ZNF804A: variants seen among roughly 807,000 people sequenced by gnomAD.
ZNF804A encodes zinc finger protein 804A.
ZNF804A carries 2 observed loss-of-function variants against 16.5 expected under a neutral mutation model. The ratio of observed to expected loss-of-function variants is 0.12; its 90% CI spans 0.05 to 0.38. The LOEUF is 0.38. Among genes scored for constraint, ZNF804A ranks in the 10% least tolerant of loss-of-function variants. The probability of loss-of-function intolerance (pLI) is 0.99; values close to 1 mark genes in which losing one functional copy is unlikely to be tolerated. For synonymous variants in ZNF804A, 534 were observed against 489.6 expected (o/e 1.09, Z -1.20); for missense variants, 1,473 against 1,390.7 (o/e 1.06, Z -0.94).
intron 1 of ZNF804A, among the ~76,000 whole-genome samples, chr2:184,606,283 C>A (rs779432231): frequency 7.9e-5 from 12 of 152,288 alleles, no homozygotes; most frequent in Non-Finnish European, 1.5e-4. Context: ...AACTTACAAT[C>A]ATGGTGGATG....
chr2:184,881,848 A>G (rs989746098), intron 2 of ZNF804A, among the ~76,000 whole-genome samples: 3 of 152,136 alleles, frequency 2.0e-5, no homozygotes, highest in Non-Finnish European at 4.4e-5. Context: ...ACACTTAAGT[A>G]CATAGAACAG....
chr2:184,886,475 G>A (rs1000296727), intron 2 of ZNF804A, among the ~76,000 whole-genome samples: 5 of 152,168 alleles, frequency 3.3e-5, no homozygotes, highest in Admixed American at 6.5e-5. Context: ...TCCACTAGGC[G>A]GTGCCCCAGT....
chr2:184,783,166 G>C (rs1192699095), intron 1 of ZNF804A, among the ~76,000 whole-genome samples: 2 of 36,348 alleles, frequency 5.5e-5, no homozygotes, highest in Non-Finnish European at 1.4e-4. Context: ...TTTTTTTTAG[G>C]TAATACATTT....
chr2:184,792,770 CT>C lies in ZNF804A; in HGVS notation c.112-73590del, dbSNP rs543811861. ...CTTATGTTATCTTCTAGGAGTTTTT[CT>C]TTTTTTTTCCAACTTTTATTTTAGA... On this transcript the variant is annotated intron_variant, in intron 1 of 3. Coordinates refer to ENST00000302277, the MANE Select transcript of ZNF804A (RefSeq NM_194250.2). Among the ~76,000 whole-genome samples, 579 of 151,052 alleles carry C rather than the reference CT, an allele frequency of 3.8e-3. 1 individual carries two copies. Among genetic ancestry groups the C allele is most frequent in the Non-Finnish European group, 6.6e-3 (445 of 67,644 alleles).
chr2:184,616,834 T>A (rs1173873175), intron 1 of ZNF804A, among the ~76,000 whole-genome samples: 1 of 152,144 alleles, frequency 6.6e-6, no homozygotes, highest in East Asian at 1.9e-4. Context: ...TCTTAATATC[T>A]GTGGGATGGT....
intron 1 of ZNF804A, among the ~76,000 whole-genome samples, chr2:184,674,659 A>T (rs368472837): frequency 8.6e-5 from 13 of 151,964 alleles, no homozygotes; most frequent in South Asian, 8.3e-4. Flanking sequence ...TGGGATGGGC[A>T]TCACTGGAGG....
chr2:184,888,108 AAC>A (rs1302426079), intron 2 of ZNF804A, among the ~76,000 whole-genome samples: 1 of 152,226 alleles, frequency 6.6e-6, no homozygotes, highest in African/African-American at 2.4e-5. Context: ...CTGTACATGT[AAC>A]CCTGAACCTA....
At chr2:184,772,696 A>G (rs946063053) in intron 1 of ZNF804A, among the ~76,000 whole-genome samples, 6 of 151,622 alleles carry the variant, frequency 4.0e-5, no homozygotes, top group Admixed American at 6.6e-5. Context: ...GAATTCTCAG[A>G]CTGCTTTCAA....
intron 1 of ZNF804A, among the ~76,000 whole-genome samples, chr2:184,683,725 A>G (rs982995256): frequency 6.6e-6 from 1 of 152,204 alleles, no homozygotes; most frequent in Admixed American, 6.5e-5. Flanking sequence ...AAGGAGGTCT[A>G]TCCAAGAATA....
At chr2:184,847,027 A>G (rs1299562889) in intron 1 of ZNF804A, among the ~76,000 whole-genome samples, 3 of 152,162 alleles carry the variant, frequency 2.0e-5, no homozygotes, top group African/African-American at 7.2e-5. Flanking sequence ...GAAATAGTTA[A>G]AACCTATGAA....
intron 1 of ZNF804A, among the ~76,000 whole-genome samples, chr2:184,616,679 A>G (rs566763210): frequency 6.6e-6 from 1 of 152,270 alleles, no homozygotes; most frequent in South Asian, 2.1e-4. Flanking sequence ...AGTACCCATA[A>G]ATAGCCTATA....
rs1403042337 is a variant in ZNF804A at position 184,777,561 on chromosome 2, C to CT, written c.112-88808_112-88807insT. Among the ~76,000 whole-genome samples the CT allele has an allele frequency of 2.5e-3, 364 of 146,776 alleles. 5 individuals are homozygous for CT. Among genetic ancestry groups the CT allele is most frequent in the African/African-American group, 9.4e-3 (345 of 36,820 alleles). ...CTAACTCTGAAAAAAATGCTGTCTA[C>CT]ATTTTTTTTTACTGCTATCTAAAGG... On this transcript the variant is annotated intron_variant, in intron 1 of 3. Coordinates refer to ENST00000302277, the MANE Select transcript of ZNF804A (RefSeq NM_194250.2).
intron 1 of ZNF804A, among the ~76,000 whole-genome samples, chr2:184,658,492 A>AAAACAAAC (rs201242399): frequency 2.0e-5 from 3 of 152,118 alleles, no homozygotes; most frequent in African/African-American, 7.2e-5. Flanking sequence ...CAAAAAACAG[A>AAAACAAAC]AAACAAACAA....
At chr2:184,900,886 C>T (rs1685169866) in intron 2 of ZNF804A, among the ~76,000 whole-genome samples, 1 of 152,278 alleles carries the variant, frequency 6.6e-6, no homozygotes, top group East Asian at 1.9e-4. Context: ...TCATACTTAG[C>T]TTTTAACTCT....
chr2:184,797,978 C>CAGTGTATACAAAAT (rs1416361665), intron 1 of ZNF804A, among the ~76,000 whole-genome samples: 1 of 147,654 alleles, frequency 6.8e-6, no homozygotes, highest in Non-Finnish European at 1.5e-5. Context: ...TGCTTAGTTT[C>CAGTGTATACAAAAT]AGTGTATACA....
chr2:184,845,638 A>G (rs1695500066), intron 1 of ZNF804A, among the ~76,000 whole-genome samples: 1 of 152,120 alleles, frequency 6.6e-6, no homozygotes, highest in South Asian at 2.1e-4. Context: ...CCAGGCCTTT[A>G]TTAATAGAGA....
chr2:184,694,066 T>G (rs1692778564), intron 1 of ZNF804A, among the ~76,000 whole-genome samples: 2 of 151,778 alleles, frequency 1.3e-5, no homozygotes, highest in African/African-American at 2.4e-5. Flanking sequence ...GTAGCTGGGA[T>G]TACAGGTGTG....
intron 2 of ZNF804A, among the ~76,000 whole-genome samples, chr2:184,879,224 G>T (rs918387058): frequency 6.6e-6 from 1 of 151,844 alleles, no homozygotes; most frequent in African/African-American, 2.4e-5. Context: ...TTGGTAATTT[G>T]AGGTTGAAAA....
At chr2:184,703,078 C>T (rs1427949166) in intron 1 of ZNF804A, among the ~76,000 whole-genome samples, 1 of 152,054 alleles carries the variant, frequency 6.6e-6, no homozygotes, top group East Asian at 1.9e-4. Flanking sequence ...AATTTAATTG[C>T]AATATAACCA....
Sources: allele counts gnomAD v4.1 joint callset (sites outside exome capture counted in the v4.1 genomes callset), GRCh38; gene constraint gnomAD v4.1.1; transcripts MANE v1.5; gene names NCBI Gene and HGNC (gene_info 2026-07-23, HGNC 2026-07-21).